The following LTF variants were observed in gnomAD, a reference collection of about 807,000 sequenced individuals.
LTF encodes lactotransferrin, also known as epididymis luminal protein 110.
In LTF, 91 loss-of-function variants were observed where a neutral mutation model predicts 87.2. The ratio of observed to expected loss-of-function variants is 1.04; its 90% CI spans 0.88 to 1.24. The LOEUF is 1.24. Among genes scored for constraint, LTF ranks in the 50% most tolerant of loss-of-function variants. The pLI is 0.00. For missense variants in LTF, 901 were observed against 904.3 expected, an observed-to-expected ratio of 1.00 and a Z score of 0.05; for synonymous variants, 378 against 356.1, an observed-to-expected ratio of 1.06 and a Z score of -0.69.
intron 1 of LTF, among the ~76,000 whole-genome samples, chr3:46,461,834 AC>A (rs1282335598): frequency 6.6e-6 from 1 of 152,172 alleles, no homozygotes; most frequent in Non-Finnish European, 1.5e-5. Context: ...AAACAAACAA[AC>A]AAAAAAACAA....
At chr3:46,443,401 G>A (rs1218495949) in intron 13 of LTF, 40 bp downstream of exon 13, 2 of 1,611,186 alleles carry the variant, frequency 1.2e-6, no homozygotes, top group African/African-American at 1.3e-5. Flanking sequence ...TGAGGGATGA[G>A]GTAAGTCCCC....
intron 5 of LTF, 124 bp from the exon 6 acceptor site, chr3:46,454,484 C>A: frequency 1.2e-6 from 1 of 867,962 alleles, no homozygotes; most frequent in Non-Finnish European, 1.9e-6. Context: ...GGCTCTGAAG[C>A]TTTGGGGCAT....
intron 12 of LTF, 51 bp downstream of exon 12, chr3:46,445,230 T>A: frequency 6.5e-7 from 1 of 1,533,784 alleles, no homozygotes; most frequent in Non-Finnish European, 8.8e-7. Flanking sequence ...CACAGCACAA[T>A]ATGCCTACCC....
intron 1 of LTF, among the ~76,000 whole-genome samples, chr3:46,479,759 T>C (rs1468406933): frequency 6.6e-6 from 1 of 152,108 alleles, no homozygotes; most frequent in African/African-American, 2.4e-5. Flanking sequence ...AACTCCTGAC[T>C]TCAAGTGATC....
chr3:46,466,273 G>T (rs1703211587), upstream of LTF, among the ~76,000 whole-genome samples: 1 of 151,888 alleles, frequency 6.6e-6, no homozygotes, highest in South Asian at 2.1e-4. Context: ...ACTAAGTGAA[G>T]AAAAAAGGTA....
At chr3:46,441,603 T>C in intron 13 of LTF, 120 bp from the exon 14 acceptor site, 2 of 722,820 alleles carry the variant, frequency 2.8e-6, no homozygotes, top group Non-Finnish European at 4.8e-6. Context: ...AAAAGACAAC[T>C]ATTTCTAGGA....
intron 14 of LTF, among the ~76,000 whole-genome samples, chr3:46,441,012 G>A (rs779014685): frequency 4.6e-5 from 7 of 152,198 alleles, no homozygotes; most frequent in Non-Finnish European, 1.0e-4. Context: ...TTCATAAAGG[G>A]AGGCTTCATT....
chr3:46,481,557 A>G (rs1158444781), intron 1 of LTF, among the ~76,000 whole-genome samples: 1 of 152,186 alleles, frequency 6.6e-6, no homozygotes, highest in African/African-American at 2.4e-5. Context: ...TATTGTCATG[A>G]TTAGCCAACA....
chr3:46,448,836 G>T (rs534883239), intron 9 of LTF, 27 bp downstream of exon 9: 4 of 1,607,792 alleles, frequency 2.5e-6, no homozygotes, highest in Admixed American at 1.7e-5. Flanking sequence ...CGGGCCCACC[G>T]CCCGCCCCTG....
intron 13 of LTF, 88 bp downstream of exon 13, chr3:46,443,353 G>T: frequency 2.0e-6 from 3 of 1,504,826 alleles, no homozygotes; most frequent in Non-Finnish European, 1.8e-6. Flanking sequence ...GCTGTGACAG[G>T]TCACATCTGG....
intron 1 of LTF, among the ~76,000 whole-genome samples, chr3:46,471,642 C>T (rs1301092354): frequency 1.3e-5 from 2 of 152,212 alleles, no homozygotes; most frequent in African/African-American, 2.4e-5. Flanking sequence ...GAGCAGGGAG[C>T]GGGCCACCCG....
chr3:46,482,726 G>GA (rs1349298550), intron 1 of LTF, among the ~76,000 whole-genome samples: 3 of 63,912 alleles, frequency 4.7e-5, no homozygotes, highest in African/African-American at 1.6e-4. Flanking sequence ...GAGAAAGAAA[G>GA]GAAGGAAGGA....
At chr3:46,469,933 G>A (rs1038481852) in intron 2 of LTF, among the ~76,000 whole-genome samples, 2 of 152,008 alleles carry the variant, frequency 1.3e-5, no homozygotes, top group African/African-American at 4.8e-5. Context: ...TGTCTGCTTG[G>A]ATCAGCCCTC....
At chr3:46,441,369 T>C in intron 14 of LTF, 47 bp downstream of exon 14, 2 of 1,474,172 alleles carry the variant, frequency 1.4e-6, no homozygotes, top group Non-Finnish European at 1.9e-6. Context: ...TGTGTTGTGA[T>C]GCCAAAGACT....
chr3:46,478,827 A>C (rs1180115258), intron 1 of LTF, among the ~76,000 whole-genome samples: 1 of 152,250 alleles, frequency 6.6e-6, no homozygotes, highest in Non-Finnish European at 1.5e-5. Context: ...AGACACTCTC[A>C]GAAAATAATA....
rs17078878 is a variant in LTF at position 46,459,610 on chromosome 3, C to A, written c.207+46G>T. 0.087 allele frequency: 118,965 copies of A among 1,366,172 alleles called. 6,064 individuals are homozygous for A. The highest frequency in any genetic ancestry group is 0.21 in the Admixed American group (7,087 of 33,464). 84.6% of individuals were successfully genotyped at this position (1,366,172 alleles called of 1,614,324 possible). A position where few individuals can be genotyped will look rare whatever the true frequency, so the allele number is the denominator to read the frequency against. The stretch of plus-strand genomic sequence containing the variant: ...GTTCTATCTTTTTCCATTTCTCTCT[C>A]CCTTCCATTCAGCTTGGTCCCAACC... On this transcript the variant is annotated intron_variant, in intron 2 of 16. Coordinates refer to ENST00000231751, the MANE Select transcript of LTF (RefSeq NM_002343.6).
At chr3:46,467,477 G>T (rs1703230576), upstream of LTF, among the ~76,000 whole-genome samples, 1 of 152,118 alleles carries the variant, frequency 6.6e-6, no homozygotes, top group African/African-American at 2.4e-5. Flanking sequence ...CTGGGTACCT[G>T]AAGGAAGGGT....
intron 6 of LTF, among the ~76,000 whole-genome samples, chr3:46,451,665 G>T (rs1045542254): frequency 5.9e-5 from 9 of 152,194 alleles, no homozygotes; most frequent in Non-Finnish European, 1.3e-4. Flanking sequence ...TGCGATCTCA[G>T]CTCACTGCAT....
At position 46,438,036 on chromosome 3, in the gene LTF, A is replaced by C; in HGVS notation, c.2002T>G (p.Cys668Gly). ...GTTTTGCCATGGAGTCTGGCCAGAC[A>C]CTCAGTGTTGTCATTGAACAGAAGG... ...KNLLFNDNTE[C>G]LARLHGKTTY... is the part of the protein sequence containing the mutation. Residue 668 changes from cysteine (C) to glycine (G), a missense_variant, in exon 16 of 17, where the codon TGT (cysteine) becomes GGT (glycine). Cys to Gly is a radical substitution (Grantham distance 159). Transcript: ENST00000231751. The C allele has an allele frequency of 6.2e-7, 1 of 1,613,880 alleles. No homozygotes were observed. The highest frequency in any genetic ancestry group is 8.5e-7 in the Non-Finnish European group (1 of 1,179,870).
Sources: gnomAD v4.1 joint callset for allele counts (sites outside exome capture counted in the v4.1 genomes callset) on GRCh38, gnomAD v4.1.1 for gene constraint, MANE v1.5 for transcripts, NCBI Gene and HGNC (gene_info 2026-07-23, HGNC 2026-07-21) for gene names.